The following CFAP299 variants were observed in gnomAD, a reference collection of about 807,000 sequenced individuals.
The protein encoded by CFAP299 is cilia and flagella associated protein 299, also known as cilia- and flagella-associated protein 299.
Under a neutral mutation model 27.0 loss-of-function variants are expected in CFAP299, and 21 were observed. That is an observed-to-expected ratio of 0.78 (90% CI 0.55 to 1.12). The LOEUF is 1.12. CFAP299 is among the 50% of genes most tolerant of loss of function. The pLI is 0.00. For missense variants in CFAP299, 310 were observed against 276.6 expected (o/e 1.12, Z -0.86); for synonymous variants, 104 against 98.1 (o/e 1.06, Z -0.36).
chr4:80,825,022 G>A (rs947564429), intron 3 of CFAP299, among the ~76,000 whole-genome samples: 1 of 151,836 alleles, frequency 6.6e-6, no homozygotes, highest in African/African-American at 2.4e-5. Flanking sequence ...CATGGATAAT[G>A]TCAAGAAAAG....
intron 3 of CFAP299, among the ~76,000 whole-genome samples, chr4:80,801,098 C>G (rs1427774872): frequency 2.0e-5 from 3 of 151,820 alleles, no homozygotes; most frequent in Non-Finnish European, 2.9e-5. Flanking sequence ...TCTCCTTTGG[C>G]AACACCCTCA....
At chr4:80,543,086 C>T (rs959769077) in intron 2 of CFAP299, among the ~76,000 whole-genome samples, 3 of 152,184 alleles carry the variant, frequency 2.0e-5, no homozygotes, top group Non-Finnish European at 4.4e-5. Flanking sequence ...GCACACAGTT[C>T]ACCAGTGCAG....
intron 2 of CFAP299, among the ~76,000 whole-genome samples, chr4:80,478,742 T>C (rs527680792): frequency 2.0e-5 from 3 of 151,964 alleles, no homozygotes; most frequent in Admixed American, 1.3e-4. Flanking sequence ...AAATAAGATC[T>C]AAAATACTTT....
chr4:80,734,468 T>G (rs1359720626), intron 3 of CFAP299, among the ~76,000 whole-genome samples: 1 of 152,156 alleles, frequency 6.6e-6, no homozygotes, highest in African/African-American at 2.4e-5. Flanking sequence ...CTTTTCAACT[T>G]GATGTGATCC....
At chr4:80,458,136 T>C (rs578192937) in intron 2 of CFAP299, among the ~76,000 whole-genome samples, 2 of 152,130 alleles carry the variant, frequency 1.3e-5, no homozygotes, top group South Asian at 4.1e-4. Context: ...CAGGGAAAAA[T>C]GGAAAAACAA....
chr4:80,801,194 T>C (rs991222253), intron 3 of CFAP299, among the ~76,000 whole-genome samples: 2 of 151,864 alleles, frequency 1.3e-5, no homozygotes, highest in African/African-American at 4.8e-5. Context: ...GGTTTTTTTT[T>C]TTTTAACCTT....
intron 2 of CFAP299, among the ~76,000 whole-genome samples, chr4:80,580,272 A>G (rs1736097088): frequency 6.6e-6 from 1 of 152,062 alleles, no homozygotes; most frequent in Non-Finnish European, 1.5e-5. Context: ...CTTGAGGTGT[A>G]TTCATTAGCT....
chr4:80,617,164 A>T lies in CFAP299; in HGVS notation c.333+33981A>T, dbSNP rs116342088. Among the ~76,000 whole-genome samples, 411 of 152,318 alleles carry T rather than the reference A, an allele frequency of 2.7e-3. 2 individuals carry two copies. The highest frequency in any genetic ancestry group is 4.3e-3 in the Non-Finnish European group (291 of 68,022). On this transcript the variant is annotated intron_variant, in intron 3 of 5. Transcript: ENST00000358105. ...TTCATCATTAAAGGAATGGTAATTTAAAAAAGTAATGAAATTGTGAATATT... is the reference window on the plus strand; with the variant it reads ...TTCATCATTAAAGGAATGGTAATTTTAAAAAGTAATGAAATTGTGAATATT...
chr4:80,908,852 A>G (rs550378024), intron 4 of CFAP299, among the ~76,000 whole-genome samples: 19 of 152,206 alleles, frequency 1.2e-4, no homozygotes, highest in Admixed American at 5.2e-4. Flanking sequence ...ACAACTCTGG[A>G]TTTAATCCAA....
At chr4:80,563,637 A>C (rs1020043811) in intron 2 of CFAP299, among the ~76,000 whole-genome samples, 1 of 152,018 alleles carries the variant, frequency 6.6e-6, no homozygotes, top group Non-Finnish European at 1.5e-5. Flanking sequence ...CATCATAAAG[A>C]CCTGGAAAAG....
intron 3 of CFAP299, among the ~76,000 whole-genome samples, chr4:80,618,577 A>T (rs1443989159): frequency 6.6e-6 from 1 of 152,130 alleles, no homozygotes; most frequent in Non-Finnish European, 1.5e-5. Context: ...ACATCAATGG[A>T]TTCTTAGAAG....
intron 3 of CFAP299, among the ~76,000 whole-genome samples, chr4:80,721,247 T>C (rs1254868288): frequency 2.0e-5 from 3 of 152,218 alleles, no homozygotes. Context: ...TCCCAAATGT[T>C]AGAAACACAA....
At position 80,588,180 on chromosome 4, in the gene CFAP299, T is replaced by G. The variant is rs551958670; in HGVS notation, c.333+4997T>G. Among the ~76,000 whole-genome samples the G allele has an allele frequency of 1.8e-3, 265 of 151,158 alleles. 5 individuals are homozygous for G. Among genetic ancestry groups the G allele is most frequent in the Middle Eastern group, 0.01 (3 of 290 alleles). On this transcript the variant is annotated intron_variant, in intron 3 of 5. Transcript: ENST00000358105. ...CATTCCTCTCTCCATCAATTAATCATCAGCTGTCACAGAGGTGGGAGATGG... is the reference window on the plus strand; with the variant it reads ...CATTCCTCTCTCCATCAATTAATCAGCAGCTGTCACAGAGGTGGGAGATGG...
chr4:80,885,619 C>T (rs1733933977), intron 4 of CFAP299, among the ~76,000 whole-genome samples: 1 of 152,084 alleles, frequency 6.6e-6, no homozygotes, highest in African/African-American at 2.4e-5. Context: ...CACCCTGGGC[C>T]AAAAGGGAAC....
chr4:80,553,405 T>C (rs72863110), intron 2 of CFAP299, among the ~76,000 whole-genome samples: 12,052 of 152,272 alleles, frequency 0.079, 719 homozygotes, highest in East Asian at 0.26. Flanking sequence ...CAATCTGTCA[T>C]TGATAGGCAT....
intron 2 of CFAP299, among the ~76,000 whole-genome samples, chr4:80,364,089 A>AACACACACACACACACAC (rs56300395): frequency 0.034 from 3,764 of 110,840 alleles, 176 homozygotes; most frequent in East Asian, 0.074. Flanking sequence ...TCCGTCTCAA[A>AACACACACACACACACAC]ACACACACAC....
chr4:80,798,546 T>C (rs1728005121), intron 3 of CFAP299, among the ~76,000 whole-genome samples: 1 of 152,104 alleles, frequency 6.6e-6, no homozygotes, highest in African/African-American at 2.4e-5. Flanking sequence ...CATGCACCTT[T>C]CATTGCAGGT....
intron 4 of CFAP299, among the ~76,000 whole-genome samples, chr4:80,903,701 T>C (rs1272188393): frequency 6.6e-6 from 1 of 152,096 alleles, no homozygotes; most frequent in Non-Finnish European, 1.5e-5. Flanking sequence ...CTTGAATTAT[T>C]CTTTCAACTG....
rs180681091 is a variant in CFAP299 at position 80,651,212 on chromosome 4, A to G, written c.333+68029A>G. On this transcript the variant is annotated intron_variant, in intron 3 of 5. Coordinates refer to ENST00000358105, the MANE Select transcript of CFAP299 (RefSeq NM_152770.3). ...ATGGGATTTTGAAATGCAGATATTT[A>G]TACTTCAGTGACCCAAATCTAAGAA... is the stretch of plus-strand genomic sequence containing the variant. 5.0e-3 allele frequency among the ~76,000 whole-genome samples: 767 copies of G among 151,962 alleles called. 5 individuals are homozygous for G. Among genetic ancestry groups the G allele is most frequent in the Middle Eastern group, 0.02 (6 of 294 alleles).
Sources: gnomAD v4.1 joint callset for allele counts (sites outside exome capture counted in the v4.1 genomes callset) on GRCh38, gnomAD v4.1.1 for gene constraint, MANE v1.5 for transcripts, NCBI Gene and HGNC (gene_info 2026-07-23, HGNC 2026-07-21) for gene names.